RBPJ: variants seen among roughly 807,000 people sequenced by gnomAD.
The protein encoded by RBPJ is recombination signal binding protein for immunoglobulin kappa J region, also known as recombining binding protein suppressor of hairless.
RBPJ carries 9 observed loss-of-function variants against 67.8 expected under a neutral mutation model. The ratio of observed to expected loss-of-function variants is 0.13; its 90% CI spans 0.08 to 0.23. The LOEUF (loss-of-function observed/expected upper bound fraction) is 0.23. RBPJ is among the 10% of genes least tolerant of loss of function. RBPJ has a pLI of 1.00. For missense variants in RBPJ, 305 were observed against 595.6 expected (o/e 0.51, Z 5.08); for synonymous variants, 198 against 203.3 (o/e 0.97, Z 0.22).
At chr4:26,137,596 G>A in the RBPJ span, among the ~76,000 whole-genome samples, 1 of 152,252 alleles carries the variant, frequency 6.6e-6, no homozygotes, top group Admixed American at 6.5e-5. Context: ...GAGCCTCTTC[G>A]CTTCATTTGT....
intron 1 of RBPJ, among the ~76,000 whole-genome samples, chr4:26,307,170 A>T (rs17644283): frequency 3.3e-5 from 5 of 152,160 alleles, no homozygotes; most frequent in Non-Finnish European, 7.4e-5. Context: ...TAAAATTACC[A>T]ACTGTCAGCA....
intron 1 of RBPJ, among the ~76,000 whole-genome samples, chr4:26,285,594 A>G (rs1721436859): frequency 6.6e-6 from 1 of 151,088 alleles, no homozygotes; most frequent in African/African-American, 2.4e-5. Flanking sequence ...ATTGGTATCA[A>G]TAGTGACTGC....
At chr4:26,356,011 A>G (rs886901862) in intron 1 of RBPJ, among the ~76,000 whole-genome samples, 1 of 152,222 alleles carries the variant, frequency 6.6e-6, no homozygotes, top group African/African-American at 2.4e-5. Context: ...GGAATACCTG[A>G]GTACTGACTG....
At chr4:26,179,016 A>G (rs1716891847) in intron 1 of RBPJ, among the ~76,000 whole-genome samples, 1 of 152,114 alleles carries the variant, frequency 6.6e-6, no homozygotes, top group Admixed American at 6.6e-5. Flanking sequence ...CTTTCCAGCC[A>G]TCCCTGAAAC....
chr4:26,190,433 T>A (rs1478085275), intron 1 of RBPJ, among the ~76,000 whole-genome samples: 2 of 152,212 alleles, frequency 1.3e-5, no homozygotes, highest in Non-Finnish European at 2.9e-5. Flanking sequence ...AACTCAAGTT[T>A]GACCTGAGTT....
chr4:26,150,294 A>G, the RBPJ span, among the ~76,000 whole-genome samples: 1 of 152,196 alleles, frequency 6.6e-6, no homozygotes, highest in Non-Finnish European at 1.5e-5. Context: ...CATCCTACAG[A>G]TGAGAACCAC....
intron 1 of RBPJ, among the ~76,000 whole-genome samples, chr4:26,284,940 T>A (rs1721412167): frequency 6.6e-6 from 1 of 151,930 alleles, no homozygotes; most frequent in Non-Finnish European, 1.5e-5. Flanking sequence ...CACTGCAACC[T>A]CCACCTCCCG....
intron 1 of RBPJ, among the ~76,000 whole-genome samples, chr4:26,256,266 A>T (rs1450561990): frequency 6.6e-6 from 1 of 151,694 alleles, no homozygotes; most frequent in Non-Finnish European, 1.5e-5. Context: ...ATAGAAATGG[A>T]ATAGGAGAAT....
At chr4:26,318,109 A>T (rs765249586), upstream of RBPJ, among the ~76,000 whole-genome samples, 1 of 151,754 alleles carries the variant, frequency 6.6e-6, no homozygotes, top group Non-Finnish European at 1.5e-5. Context: ...ATCAATAGGC[A>T]AACACAAACA....
At chr4:26,315,167 A>AAAATATATATATATATATATAT (rs1325689348), upstream of RBPJ, among the ~76,000 whole-genome samples, 1 of 74,764 alleles carries the variant, frequency 1.3e-5, no homozygotes, top group Non-Finnish European at 2.3e-5. Flanking sequence ...AAAAAAAAAA[A>AAAATATATATATATATATATAT]ATATATATAT....
chr4:26,219,369 A>G (rs141021979), intron 1 of RBPJ, among the ~76,000 whole-genome samples: 1 of 152,362 alleles, frequency 6.6e-6, no homozygotes, highest in Non-Finnish European at 1.5e-5. Context: ...GGATCAGGAC[A>G]GAAATACTTT....
At chr4:26,301,529 T>A (rs1722077967) in intron 1 of RBPJ, among the ~76,000 whole-genome samples, 1 of 151,478 alleles carries the variant, frequency 6.6e-6, no homozygotes, top group Non-Finnish European at 1.5e-5. Flanking sequence ...GAGGCGGAGC[T>A]TGCAGTGAGC....
intron 1 of RBPJ, among the ~76,000 whole-genome samples, chr4:26,193,513 T>A (rs2109144198): frequency 6.6e-6 from 1 of 152,316 alleles, no homozygotes; most frequent in East Asian, 1.9e-4. Flanking sequence ...GAAGACTTTT[T>A]AAAACTTTCC....
rs544577303 is a variant in RBPJ, at chr4:26,432,734, C to T, written c.*1727C>T. Reference sequence around the variant, plus strand: ...CTAGATTGTGGTAAGCTTTTACTGTCCCATAAAACAGGAGCCACAGTACCT... The same window carrying T: ...CTAGATTGTGGTAAGCTTTTACTGTTCCATAAAACAGGAGCCACAGTACCT... On this transcript the variant is annotated 3_prime_UTR_variant, in exon 11 of 11. Coordinates refer to ENST00000355476, the MANE Select transcript of RBPJ (RefSeq NM_015874.6). 3 of 152,134 alleles carry T rather than the reference C, an allele frequency of 2.0e-5. No homozygotes were observed. The highest frequency in any genetic ancestry group is 4.4e-5 in the Non-Finnish European group (3 of 68,024). The allele number at this position is 152,134 out of a possible 1,614,324, so 9.4% of individuals were successfully genotyped here.
intron 1 of RBPJ, among the ~76,000 whole-genome samples, chr4:26,199,614 G>C (rs1049797574): frequency 6.6e-6 from 1 of 152,124 alleles, no homozygotes; most frequent in African/African-American, 2.4e-5. Context: ...CTGGAAATGA[G>C]CTTTACCGTT....
intron 1 of RBPJ, among the ~76,000 whole-genome samples, chr4:26,185,678 C>T (rs187443017): frequency 1.9e-4 from 29 of 152,338 alleles, no homozygotes; most frequent in South Asian, 6.2e-4. Context: ...GAAATTCAAT[C>T]CCAGTGCATC....
At chr4:26,215,273 AAAAAG>A (rs1191636703) in intron 1 of RBPJ, among the ~76,000 whole-genome samples, 1 of 11,942 alleles carries the variant, frequency 8.4e-5, no homozygotes, top group African/African-American at 9.2e-4. Context: ...GGGAGGGAGG[AAAAAG>A]AGAGAGAAAG....
chr4:26,385,815 T>G (rs889520616), intron 1 of RBPJ, among the ~76,000 whole-genome samples: 3 of 151,498 alleles, frequency 2.0e-5, no homozygotes, highest in Admixed American at 6.6e-5. Context: ...TTTATTTTAT[T>G]TTTTTGAGAC....
rs370272583 is a variant in RBPJ at position 26,244,106 on chromosome 4, AAAG to A, written c.-167+80498_-167+80500del. Among the ~76,000 whole-genome samples the A allele has an allele frequency of 5.7e-3, 860 of 149,990 alleles. 9 individuals are homozygous for A. The highest frequency in any genetic ancestry group is 0.02 in the African/African-American group (801 of 40,312). ...CAGAGTGAGACCCTGTCTCAAAAAA[AAAG>A]AAGAAAAAGAAACTTTAAAATGTAT... On this transcript the variant is annotated intron_variant, in intron 1 of 4. Coordinates refer to the RBPJ transcript ENST00000512351.
Sources: allele counts gnomAD v4.1 joint callset (sites outside exome capture counted in the v4.1 genomes callset), GRCh38; gene constraint gnomAD v4.1.1; transcripts MANE v1.5; gene names NCBI Gene and HGNC (gene_info 2026-07-23, HGNC 2026-07-21).